MYO18B: variants seen among roughly 807,000 people sequenced by gnomAD.
The protein encoded by MYO18B is unconventional myosin-XVIIIb.
A neutral mutation model predicts 273.0 loss-of-function variants in MYO18B; 204 were observed. The observed-to-expected ratio is 0.75, with a 90% CI of 0.67 to 0.84. MYO18B has a LOEUF of 0.84. Among genes scored for constraint, MYO18B ranks in the 40% least tolerant of loss-of-function variants. The probability of loss-of-function intolerance (pLI) is 0.00; values close to 1 mark genes in which losing one functional copy is unlikely to be tolerated. For missense variants in MYO18B, 3,212 were observed against 3,287.6 expected (o/e 0.98, Z 0.56); for synonymous variants, 1,330 against 1,305.7 (o/e 1.02, Z -0.40).
At position 25,999,874 on chromosome 22, in the gene MYO18B, T is replaced by C. The variant is rs567101299; in HGVS notation, c.6288-3391T>C. On this transcript the variant is annotated intron_variant, in intron 40 of 43. Transcript: ENST00000335473. ...TTTCACCATATTGGCTAGGCTGGTC[T>C]GGAACTCCTGACCTCGTGATCTGCC... Among the ~76,000 whole-genome samples, 13 of 152,264 alleles carry C rather than the reference T, an allele frequency of 8.5e-5. No homozygotes were observed. In the East Asian group the frequency reaches 2.5e-3, roughly 30 times the overall value.
chr22:25,869,740 C>T (rs780904679), intron 22 of MYO18B, among the ~76,000 whole-genome samples: 5 of 152,032 alleles, frequency 3.3e-5, no homozygotes, highest in Non-Finnish European at 5.9e-5. Context: ...TGAGAGTGGT[C>T]CTTTACTCAG....
chr22:25,747,870 T>G (rs2085827864), intron 1 of MYO18B, among the ~76,000 whole-genome samples: 1 of 152,086 alleles, frequency 6.6e-6, no homozygotes, highest in Non-Finnish European at 1.5e-5. Context: ...TGAGAAAAAC[T>G]GCATCCCCAT....
intron 16 of MYO18B, among the ~76,000 whole-genome samples, chr22:25,834,626 T>C (rs1039955784): frequency 1.3e-5 from 2 of 152,236 alleles, no homozygotes; most frequent in African/African-American, 2.4e-5. Flanking sequence ...GGTGGCCTTT[T>C]TTTGGTTGTG....
the MYO18B span, among the ~76,000 whole-genome samples, chr22:26,040,510 A>C: frequency 6.6e-6 from 1 of 152,186 alleles, no homozygotes; most frequent in Admixed American, 6.5e-5. Flanking sequence ...AGTGAACTAT[A>C]CAAGATATTA....
intron 27 of MYO18B, chr22:25,892,487 C>G (rs574743052): frequency 6.6e-6 from 1 of 152,266 alleles, no homozygotes; most frequent in East Asian, 1.9e-4. Context: ...ATCTTTGCCA[C>G]CTTGTCACCG....
At chr22:25,866,952 C>T (rs551270664) in intron 21 of MYO18B, among the ~76,000 whole-genome samples, 1 of 152,174 alleles carries the variant, frequency 6.6e-6, no homozygotes, top group Admixed American at 6.5e-5. Context: ...ATGAGAGAAG[C>T]ATAGAGCGGG....
chr22:25,771,379 T>A (rs1222979409), intron 6 of MYO18B, among the ~76,000 whole-genome samples: 1 of 152,208 alleles, frequency 6.6e-6, no homozygotes, highest in Non-Finnish European at 1.5e-5. Flanking sequence ...AGAGCCAAAT[T>A]TGCTGCTTGC....
chr22:25,861,694 G>A (rs907215736), intron 21 of MYO18B, among the ~76,000 whole-genome samples: 9 of 152,196 alleles, frequency 5.9e-5, no homozygotes, highest in East Asian at 1.9e-4. Flanking sequence ...TGGGCTTCAC[G>A]CCTTCTTTTA....
chr22:25,928,806 G>A (rs2092457360), intron 34 of MYO18B, among the ~76,000 whole-genome samples: 1 of 152,170 alleles, frequency 6.6e-6, no homozygotes, highest in Middle Eastern at 3.4e-3. Flanking sequence ...AGCTGATTGG[G>A]CTGATATAAA....
intron 29 of MYO18B, chr22:25,901,372 G>A (rs1413401660): frequency 6.6e-6 from 1 of 152,226 alleles, no homozygotes; most frequent in African/African-American, 2.4e-5. Flanking sequence ...GCTTGGCAAA[G>A]CCTTCTCTAT....
chr22:25,932,501 T>C (rs1601609507), intron 34 of MYO18B, among the ~76,000 whole-genome samples: 1 of 151,608 alleles, frequency 6.6e-6, no homozygotes, highest in African/African-American at 2.4e-5. Context: ...CTCTGCCTCC[T>C]GGGTTCAAGC....
At chr22:25,938,701 T>C (rs1269301675) in intron 34 of MYO18B, among the ~76,000 whole-genome samples, 2 of 152,236 alleles carry the variant, frequency 1.3e-5, no homozygotes, top group African/African-American at 2.4e-5. Flanking sequence ...GATCCTCCTA[T>C]GGGTAAGGAT....
intron 39 of MYO18B, among the ~76,000 whole-genome samples, chr22:25,972,990 C>T (rs1005222560): frequency 6.6e-6 from 1 of 151,490 alleles, no homozygotes; most frequent in African/African-American, 2.4e-5. Context: ...GATAGGATCT[C>T]CTCCCATGCA....
At position 25,798,070 on chromosome 22, in the gene MYO18B, C is replaced by T; in HGVS notation, c.2494C>T (p.His832Tyr). 5 of 1,610,916 alleles carry T rather than the reference C, an allele frequency of 3.1e-6. No homozygotes were observed. The highest frequency in any genetic ancestry group is 4.2e-6 in the Non-Finnish European group (5 of 1,177,392). ...AVWRVLAAIY[H>Y]LGAAGACKVG... ...TTGGCGGGTCCTGGCAGCCATCTAC[C>T]ACCTGGGTGCGGCGGGGGCCTGCAA... The change falls in exon 12 of 44, where the codon CAC (histidine) becomes TAC (tyrosine). Residue 832 changes from histidine (H) to tyrosine (Y), a missense_variant. By Grantham distance (83) the His-to-Tyr change is moderately conservative. Transcript: ENST00000335473.
At position 25,847,435 on chromosome 22, in the gene MYO18B, G is replaced by C; in HGVS notation, c.3558G>C (p.Ala1186=). 6.4e-7 allele frequency: 1 copy of C among 1,566,448 alleles called. No individual in the cohort carries two copies. Residue 1186 remains alanine, a synonymous_variant, in exon 20 of 44, where the codon GCG becomes GCC. Coordinates refer to ENST00000335473, the MANE Select transcript of MYO18B (RefSeq NM_032608.7). ...CCTCCCTCTATTTGGTCTAGGATGC[G>C]CTGACCAGCATGATCAAAAGGTCCC... is the stretch of plus-strand genomic sequence containing the variant. ...PCSQIKLQMD[A]LTSMIKRSRL... is the part of the protein sequence containing the mutation.
chr22:25,891,593 A>G (rs1389649825), intron 27 of MYO18B, among the ~76,000 whole-genome samples, 181 bp downstream of exon 27: 1 of 152,264 alleles, frequency 6.6e-6, no homozygotes, highest in East Asian at 1.9e-4. Context: ...ATAAGCAGAT[A>G]TTAATCAGAT....
rs2091395276 is a variant in MYO18B at position 25,883,168 on chromosome 22, G to A, written c.4314+5120G>A. Among the ~76,000 whole-genome samples the A allele has an allele frequency of 6.6e-6, 1 of 152,160 alleles. No homozygotes were observed. Among genetic ancestry groups the A allele is most frequent in the Non-Finnish European group, 1.5e-5 (1 of 68,036 alleles). ...CCTGCCTTGGCCTCCCAGAGTGCTG[G>A]CGTGAACCATTGCACCAGACCTGTA... On this transcript the variant is annotated intron_variant, in intron 25 of 43. Coordinates refer to ENST00000335473, the MANE Select transcript of MYO18B (RefSeq NM_032608.7). The surrounding 1 kb of genome is among the most constrained non-coding windows in gnomAD (Gnocchi z 7.6).
chr22:25,977,894 C>T (rs1052212819), intron 39 of MYO18B, among the ~76,000 whole-genome samples: 24 of 152,176 alleles, frequency 1.6e-4, no homozygotes, highest in African/African-American at 5.6e-4. Flanking sequence ...AAGTGGGTGA[C>T]AAGACTTGCT....
chr22:26,053,072 G>T, the MYO18B span, among the ~76,000 whole-genome samples: 118 of 152,288 alleles, frequency 7.7e-4, 1 homozygote, highest in African/African-American at 2.6e-3. Context: ...CTCCCAAAGG[G>T]CTGGGATTAC....
Sources: gnomAD v4.1 joint callset for allele counts (sites outside exome capture counted in the v4.1 genomes callset) on GRCh38, gnomAD v4.1.1 for gene constraint, Gnocchi (gnomAD v3.1) non-coding constraint, MANE v1.5 for transcripts, NCBI Gene and HGNC (gene_info 2026-07-23, HGNC 2026-07-21) for gene names.